The following SARM1 variants were observed in gnomAD, a reference collection of about 807,000 sequenced individuals.
SARM1 encodes the protein sterile alpha and TIR motif containing 1.
A neutral mutation model predicts 65.1 loss-of-function variants in SARM1; 60 were observed. The observed-to-expected ratio is 0.92, with a 90% confidence interval of 0.75 to 1.14. SARM1 has a LOEUF of 1.14. SARM1 is among the 50% of genes most tolerant of loss of function. The pLI, the probability that SARM1 is intolerant of heterozygous loss-of-function variation, is 0.00. For missense variants in SARM1, 913 were observed against 1,015.7 expected, an observed-to-expected ratio of 0.90 and a Z score of 1.37; for synonymous variants, 417 against 465.4, an observed-to-expected ratio of 0.90 and a Z score of 1.34.
rs551098103 is a variant in SARM1, at chr17:28,385,579, A to C, written c.1630+304A>C. The C allele has an allele frequency of 2.2e-6, 1 of 448,834 alleles. No homozygotes were observed. Among genetic ancestry groups the C allele is most frequent in the African/African-American group, 2.0e-5 (1 of 48,974 alleles). 27.8% of individuals were successfully genotyped at this position (448,834 alleles called of 1,614,324 possible). On this transcript the variant is annotated intron_variant, in intron 5 of 8. Transcript: ENST00000585482. This position sits in a 1 kb window ranked among gnomAD's most constrained non-coding sequence, Gnocchi z 4.5. ...GAAGCCCAGCCCACCCCATCCACCC[A>C]GGTCTAGATTTCAGAGAGGACAGGA...
At chr17:28,386,939 A>G (rs527750280) in intron 5 of SARM1, among the ~76,000 whole-genome samples, 2 of 152,246 alleles carry the variant, frequency 1.3e-5, no homozygotes, top group African/African-American at 2.4e-5. Context: ...GGGTTTCACT[A>G]TGTTGCCCAG....
chr17:28,390,991 A>G (rs553398026), intron 7 of SARM1, among the ~76,000 whole-genome samples: 91 of 152,324 alleles, frequency 6.0e-4, no homozygotes, highest in Middle Eastern at 6.8e-3. Context: ...AATTCCATCT[A>G]TCTGACTCCA....
In SARM1 at chr17:28,400,563, A is replaced by G. The variant is rs1392046870; in HGVS notation, c.*4277A>G. ...GTTGGGAGGAGAAGAGGAAACTTTT[A>G]AGAGAAAGGGCTCCATTATGAGCAT... On this transcript the variant is annotated 3_prime_UTR_variant, in exon 9 of 9. Transcript: ENST00000585482. The G allele has an allele frequency of 2.5e-6, 4 of 1,605,430 alleles. No individual in the cohort carries two copies. Among genetic ancestry groups the G allele is most frequent in the Non-Finnish European group, 3.4e-6 (4 of 1,175,294 alleles).
At chr17:28,388,625 C>T in intron 7 of SARM1, 86 bp downstream of exon 7, 11 of 1,367,484 alleles carry the variant, frequency 8.0e-6, no homozygotes, top group Non-Finnish European at 1.1e-5. Flanking sequence ...CTTGTCTGCA[C>T]ATCCCGGCAC....
At chr17:28,377,889 G>A (rs1434366146) in intron 1 of SARM1, among the ~76,000 whole-genome samples, 4 of 152,100 alleles carry the variant, frequency 2.6e-5, no homozygotes, top group Non-Finnish European at 4.4e-5. Context: ...GTAGAGATGG[G>A]GTTTCACCAT....
chr17:28,391,496 G>C (rs1342031610), intron 7 of SARM1, among the ~76,000 whole-genome samples: 1 of 152,104 alleles, frequency 6.6e-6, no homozygotes, highest in African/African-American at 2.4e-5. Flanking sequence ...AGGAGGGGCT[G>C]AGTACTAGGC....
At chr17:28,392,307 G>A (rs1410399028) in intron 7 of SARM1, among the ~76,000 whole-genome samples, 6 of 151,682 alleles carry the variant, frequency 4.0e-5, no homozygotes, top group Admixed American at 2.0e-4. Context: ...TAGTAGAGAC[G>A]GGGTTTCACC....
chr17:28,399,796 G>GTCC lies in SARM1; in HGVS notation c.*3510_*3511insTCC. On this transcript the variant is annotated 3_prime_UTR_variant, in exon 9 of 9. Coordinates refer to ENST00000585482, the MANE Select transcript of SARM1 (RefSeq NM_015077.4). The stretch of plus-strand genomic sequence containing the variant: ...TGGAGAAGTGACACAGGATTTACTG[G>GTCC]GGTGGGCTGGTCCAGGTAGCTCTCC... The GTCC allele has an allele frequency of 6.8e-7, 1 of 1,460,292 alleles. No individual in the cohort carries two copies. Among genetic ancestry groups the GTCC allele is most frequent in the Non-Finnish European group, 9.6e-7 (1 of 1,043,178 alleles). 90.5% of individuals were successfully genotyped at this position (1,460,292 alleles called of 1,614,324 possible). A position where few individuals can be genotyped will look rare whatever the true frequency, so the allele number is the denominator to read the frequency against.
At chr17:28,380,680 G>A (rs2068017782) in intron 1 of SARM1, among the ~76,000 whole-genome samples, 2 of 152,206 alleles carry the variant, frequency 1.3e-5, no homozygotes, top group Admixed American at 1.3e-4. Flanking sequence ...AGAGTGGTGT[G>A]CTTCAAGTGA....
Position 28,385,200 on chromosome 17 carries a change from T to A in SARM1, c.1555T>A (p.Ser519Thr). Residue 519 changes from serine to threonine, a missense_variant, in exon 5 of 9, where the codon TCT becomes ACT. Physicochemically the swap from Ser to Thr is moderately conservative, Grantham distance 58. Around this residue, in one of 3 missense-constraint regions of SARM1, gnomAD observed 862 missense variants for 952.1 expected, o/e 0.91. Coordinates refer to ENST00000585482, the MANE Select transcript of SARM1 (RefSeq NM_015077.4). The surrounding 1 kb of genome is among the most constrained non-coding windows in gnomAD (Gnocchi z 4.5). ...GLDRSLLHRV[S>T]EQQLLEDCGI... The stretch of plus-strand genomic sequence containing the variant: ...GGACCGCTCCCTGCTGCACCGCGTG[T>A]CTGAGCAGCAGCTGCTGGAAGACTG... The A allele has an allele frequency of 6.2e-7, 1 of 1,606,282 alleles. No homozygotes were observed. The highest frequency in any genetic ancestry group is 8.5e-7 in the Non-Finnish European group (1 of 1,177,982).
Position 28,384,331 on chromosome 17 carries a change from C to A in SARM1, c.1090-26C>A. 1.3e-6 allele frequency: 2 copies of A among 1,538,540 alleles called. 1 individual carries two copies. On this transcript the variant is annotated intron_variant, in intron 2 of 8. Transcript: ENST00000585482. This position sits in a 1 kb window ranked among gnomAD's most constrained non-coding sequence, Gnocchi z 4.4. ...GCACCTGGAGAGCTGGTGGGACCTACAGCCCTCTCCCCACTCCCTCCCTAG... is the reference window on the plus strand; with the variant it reads ...GCACCTGGAGAGCTGGTGGGACCTAAAGCCCTCTCCCCACTCCCTCCCTAG...
At chr17:28,392,016 C>T (rs1252269423) in intron 7 of SARM1, among the ~76,000 whole-genome samples, 4 of 151,834 alleles carry the variant, frequency 2.6e-5, no homozygotes, top group African/African-American at 9.7e-5. Context: ...CATGAGCCAC[C>T]GTGCCCAGCC....
In SARM1 at chr17:28,401,036, G is replaced by GA. The variant is rs72156259; in HGVS notation, c.*4759dup. 335,607 of 370,176 alleles carry GA rather than the reference G, an allele frequency of 0.91. 152,123 individuals carry two copies. The highest frequency in any genetic ancestry group is 0.96 in the African/African-American group (45,953 of 47,872). 22.9% of individuals were successfully genotyped at this position (370,176 alleles called of 1,614,324 possible). ...ATCTGACAGAACCCAGCACATAAAAGAAAAAAAAAGTACATGTGATATTGT... is the reference window on the plus strand; with the variant it reads ...ATCTGACAGAACCCAGCACATAAAAGAAAAAAAAAAGTACATGTGATATTGT... On this transcript the variant is annotated 3_prime_UTR_variant, in exon 9 of 9. Coordinates refer to ENST00000585482, the MANE Select transcript of SARM1 (RefSeq NM_015077.4).
chr17:28,372,357 G>A lies in SARM1; in HGVS notation c.325G>A (p.Gly109Ser). ...VEEAWLLPAV[G>S]REVAQGLCDA... ...GGAGGCCTGGCTGCTGCCGGCCGTG[G>A]GCCGCGAGGTAGCCCAGGGTCTGTG... Residue 109 changes from glycine to serine, a missense_variant, in exon 1 of 9, where the codon GGC becomes AGC. By Grantham distance (56) the Gly-to-Ser change is moderately conservative. This residue lies in a region of SARM1 where 862 missense variants were observed against 952.1 expected (regional missense o/e 0.91). Transcript: ENST00000585482. The surrounding 1 kb of genome is among the most constrained non-coding windows in gnomAD (Gnocchi z 5.2). 2.0e-6 allele frequency: 3 copies of A among 1,504,212 alleles called. No homozygotes were observed. The highest frequency in any genetic ancestry group is 2.1e-5 in the Admixed American group (1 of 48,502). The allele number at this position is 1,504,212 out of a possible 1,614,324, so 93.2% of individuals were successfully genotyped here.
In SARM1 at chr17:28,372,466, C is replaced by G. The variant is rs970546135; in HGVS notation, c.434C>G (p.Ala145Gly). ...APELETRVQA[A>G]RLLEQILVAE... ...GAGTTGGAGACGCGTGTGCAGGCCGCGCGCCTGCTGGAGCAGATCCTGGTG... is the reference window on the plus strand; with the variant it reads ...GAGTTGGAGACGCGTGTGCAGGCCGGGCGCCTGCTGGAGCAGATCCTGGTG... Residue 145 changes from alanine (A) to glycine (G), a missense_variant, in exon 1 of 9, where the codon GCG (alanine) becomes GGG (glycine). By Grantham distance (60) the Ala-to-Gly change is moderately conservative. This residue lies in a region of SARM1 where 862 missense variants were observed against 952.1 expected (regional missense o/e 0.91). Coordinates refer to ENST00000585482, the MANE Select transcript of SARM1 (RefSeq NM_015077.4). The surrounding 1 kb of genome is among the most constrained non-coding windows in gnomAD (Gnocchi z 5.2). 14 of 1,530,040 alleles carry G rather than the reference C, an allele frequency of 9.2e-6. No homozygotes were observed. The highest frequency in any genetic ancestry group is 2.0e-5 in the Admixed American group (1 of 50,808). 94.8% of individuals were successfully genotyped at this position (1,530,040 alleles called of 1,614,324 possible). A position where few individuals can be genotyped will look rare whatever the true frequency, so the allele number is the denominator to read the frequency against.
intron 2 of SARM1, among the ~76,000 whole-genome samples, chr17:28,382,841 A>C (rs1597818834): frequency 0.024 from 1 of 42 alleles, no homozygotes; most frequent in African/African-American, 0.083. Context: ...CACGCACCAC[A>C]ATCCCCCAGC....
chr17:28,384,738 C>A lies in SARM1; in HGVS notation c.1303-101C>A. ...ACTCGGCTCTGATCTAGGTCCCATC[C>A]GCCTCCTCCACGCCATCTCCAGTTC... On this transcript the variant is annotated intron_variant, in intron 3 of 8. Transcript: ENST00000585482. The surrounding 1 kb of genome is among the most constrained non-coding windows in gnomAD (Gnocchi z 4.4). The A allele has an allele frequency of 2.4e-6, 3 of 1,268,622 alleles. No individual in the cohort carries two copies. Among genetic ancestry groups the A allele is most frequent in the Non-Finnish European group, 3.4e-6 (3 of 895,518 alleles). The allele number at this position is 1,268,622 out of a possible 1,614,324, so 78.6% of individuals were successfully genotyped here.
chr17:28,402,011 T>C lies in SARM1; in HGVS notation c.*5725T>C. The C allele has an allele frequency of 2.1e-6, 1 of 473,978 alleles. No individual in the cohort carries two copies. The highest frequency in any genetic ancestry group is 3.8e-6 in the Non-Finnish European group (1 of 261,902). The allele number at this position is 473,978 out of a possible 1,614,324, so 29.4% of individuals were successfully genotyped here. The stretch of plus-strand genomic sequence containing the variant: ...TCTGGTTATCTAGAAAGAACATAAT[T>C]GTGCTCTGCTGACTGCAAATCCCAA... On this transcript the variant is annotated 3_prime_UTR_variant, in exon 9 of 9. Transcript: ENST00000585482.
chr17:28,393,743 T>C (rs1212478004), intron 7 of SARM1, among the ~76,000 whole-genome samples: 1 of 152,220 alleles, frequency 6.6e-6, no homozygotes, highest in African/African-American at 2.4e-5. Context: ...CTATTAAATA[T>C]TTAGCAAGGG....
Sources: gnomAD v4.1 joint callset for allele counts (sites outside exome capture counted in the v4.1 genomes callset) on GRCh38, gnomAD v4.1.1 for gene constraint, gnomAD v4.1.1 regional missense constraint, Gnocchi (gnomAD v3.1) non-coding constraint, MANE v1.5 for transcripts, NCBI Gene and HGNC (gene_info 2026-07-23, HGNC 2026-07-21) for gene names.